FRA10AC1: variants seen among roughly 807,000 people sequenced by gnomAD.
FRA10AC1 encodes protein FRA10AC1.
FRA10AC1 carries 43 observed loss-of-function variants against 56.5 expected under a neutral mutation model. The observed-to-expected ratio is 0.76, with a 90% CI of 0.60 to 0.98. The LOEUF is 0.98. Among genes scored for constraint, FRA10AC1 ranks in the 50% least tolerant of loss-of-function variants. FRA10AC1 has a pLI of 0.00. For missense variants in FRA10AC1, 346 were observed against 351.8 expected (o/e 0.98, Z 0.13); for synonymous variants, 112 against 110.5 (o/e 1.01, Z -0.09).
chr10:93,677,691 A>G (rs2058866765), intron 11 of FRA10AC1, among the ~76,000 whole-genome samples: 1 of 152,186 alleles, frequency 6.6e-6, no homozygotes. Flanking sequence ...ATGTTGAACC[A>G]ATGCAGAACA....
intron 12 of FRA10AC1, chr10:93,675,677 C>A (rs990966502): frequency 2.7e-6 from 1 of 373,262 alleles, no homozygotes; most frequent in Non-Finnish European, 5.7e-6. Flanking sequence ...TGCACTCCAA[C>A]CTGGGTGAAA....
At position 93,681,416 on chromosome 10, in the gene FRA10AC1, AT is replaced by A. The variant is rs2058931600; in HGVS notation, c.787+63del. The A allele has an allele frequency of 2.8e-6, 3 of 1,056,590 alleles. No individual in the cohort carries two copies. The Admixed American group carries it at 8.1e-5, about 28-fold the overall frequency. The allele number at this position is 1,056,590 out of a possible 1,614,324, so 65.5% of individuals were successfully genotyped here. A position where few individuals can be genotyped will look rare whatever the true frequency, so the allele number is the denominator to read the frequency against. On this transcript the variant is annotated intron_variant, in intron 11 of 13. Coordinates refer to ENST00000359204, the MANE Select transcript of FRA10AC1 (RefSeq NM_145246.5). ...TGCATTCACCAATTAGATGAATGAA[AT>A]ATGGCAGATTATATTTCATGCTCAC... is the stretch of plus-strand genomic sequence containing the variant.
upstream of FRA10AC1, among the ~76,000 whole-genome samples, chr10:93,702,856 G>C (rs938882292): frequency 6.6e-6 from 1 of 151,766 alleles, no homozygotes; most frequent in Non-Finnish European, 1.5e-5. Context: ...AATATATTTT[G>C]TTTTACCGTG....
At position 93,696,387 on chromosome 10, in the gene FRA10AC1, T is replaced by C. The variant is rs562076366; in HGVS notation, c.220-1450A>G. On this transcript the variant is annotated intron_variant, in intron 4 of 13. Coordinates refer to ENST00000359204, the MANE Select transcript of FRA10AC1 (RefSeq NM_145246.5). ...TTTGAGACAATAACTACTCTACTCTTGTCAAACAACCCAGAGAAAACTGTG... is the reference window on the plus strand; with the variant it reads ...TTTGAGACAATAACTACTCTACTCTCGTCAAACAACCCAGAGAAAACTGTG... 7.9e-5 allele frequency among the ~76,000 whole-genome samples: 12 copies of C among 152,298 alleles called. 1 individual carries two copies. In the South Asian group the frequency reaches 2.3e-3, roughly 29 times the overall value.
At chr10:93,687,476 C>G in intron 7 of FRA10AC1, 27 bp from the exon 8 acceptor site, 1 of 1,464,078 alleles carries the variant, frequency 6.8e-7, no homozygotes, top group Non-Finnish European at 9.2e-7. Context: ...TACATTTATG[C>G]CAATGTAAAT....
intron 5 of FRA10AC1, among the ~76,000 whole-genome samples, chr10:93,694,045 C>T (rs2059186541): frequency 6.6e-6 from 1 of 151,296 alleles, no homozygotes; most frequent in Non-Finnish European, 1.5e-5. Flanking sequence ...ATCCAGGCAA[C>T]CAAAAACCAC....
chr10:93,699,146 C>T (rs960050076), intron 2 of FRA10AC1, among the ~76,000 whole-genome samples: 2 of 152,104 alleles, frequency 1.3e-5, no homozygotes, highest in African/African-American at 4.8e-5. Context: ...AGCAGAGTAT[C>T]CAACTAGATT....
intron 5 of FRA10AC1, among the ~76,000 whole-genome samples, chr10:93,693,288 A>T (rs1371496127): frequency 6.6e-6 from 1 of 150,404 alleles, no homozygotes; most frequent in African/African-American, 2.4e-5. Context: ...TTGGGGGTAA[A>T]TGAGGTGGTA....
intron 13 of FRA10AC1, 33 bp from the exon 14 acceptor site, chr10:93,669,901 T>G (rs750107108): frequency 8.0e-7 from 1 of 1,257,424 alleles, no homozygotes; most frequent in Non-Finnish European, 1.1e-6. Context: ...TTAAGATCAA[T>G]AGAGTAAAAA....
chr10:93,670,870 T>C, intron 12 of FRA10AC1, 22 bp from the exon 13 acceptor site: 1 of 1,544,050 alleles, frequency 6.5e-7, no homozygotes, highest in East Asian at 2.3e-5. Flanking sequence ...AAAAAGATGA[T>C]TTTTAAAAAC....
intron 12 of FRA10AC1, chr10:93,671,946 T>C (rs762747666): frequency 5.0e-5 from 20 of 403,314 alleles, no homozygotes; most frequent in South Asian, 3.6e-4. Context: ...TTATTAAAGA[T>C]GACAAAATAG....
chr10:93,685,064 T>C (rs2059000840), intron 9 of FRA10AC1, among the ~76,000 whole-genome samples, 182 bp downstream of exon 9: 1 of 152,160 alleles, frequency 6.6e-6, no homozygotes, highest in Non-Finnish European at 1.5e-5. Context: ...AACACCACTG[T>C]AATGCTAAAA....
chr10:93,697,883 C>T lies in FRA10AC1; in HGVS notation c.219+253G>A, dbSNP rs879083246. 3.3e-5 allele frequency among the ~76,000 whole-genome samples: 5 copies of T among 152,092 alleles called. No homozygotes were observed. In the South Asian group the frequency reaches 1.0e-3, roughly 32 times the overall value. Reference sequence around the variant, plus strand: ...AAAAACAATTTGGAAAATATATTTGCAGATTCATGTACTTTATAAACCTAT... The same window carrying T: ...AAAAACAATTTGGAAAATATATTTGTAGATTCATGTACTTTATAAACCTAT... On this transcript the variant is annotated intron_variant, in intron 4 of 13. Transcript: ENST00000359204.
chr10:93,692,207 ATTAC>A (rs144678423), intron 6 of FRA10AC1, 114 bp from the exon 7 acceptor site: 13,751 of 730,718 alleles, frequency 0.019, 169 homozygotes, highest in East Asian at 0.045. Context: ...TAAGAGAACT[ATTAC>A]TTACATGTGC....
intron 11 of FRA10AC1, among the ~76,000 whole-genome samples, chr10:93,680,119 C>T (rs2058908843): frequency 1.3e-5 from 2 of 152,102 alleles, no homozygotes; most frequent in East Asian, 1.9e-4. Flanking sequence ...TACTGAGTAA[C>T]ATTTTATAAA....
At chr10:93,678,000 C>T (rs888413857) in intron 11 of FRA10AC1, among the ~76,000 whole-genome samples, 3 of 152,110 alleles carry the variant, frequency 2.0e-5, no homozygotes, top group East Asian at 1.9e-4. Flanking sequence ...TTAGAGATAA[C>T]GAAGTAAACA....
In FRA10AC1 at chr10:93,698,402, A is replaced by C; in HGVS notation, c.78-6T>G. 6.6e-7 allele frequency: 1 copy of C among 1,513,044 alleles called. No homozygotes were observed. Among genetic ancestry groups the C allele is most frequent in the East Asian group, 2.3e-5 (1 of 44,272 alleles). The allele number at this position is 1,513,044 out of a possible 1,614,324, so 93.7% of individuals were successfully genotyped here. A position where few individuals can be genotyped will look rare whatever the true frequency, so the allele number is the denominator to read the frequency against. On this transcript the variant is annotated splice_polypyrimidine_tract_variant and splice_region_variant and intron_variant, in intron 2 of 13. Transcript: ENST00000359204. ...GTAAGTCATCTTCAACTGTCCTGAT[A>C]TATTAAGAAGAAAATAAGAGTTCAC...
chr10:93,683,256 G>A (rs1401775105), intron 10 of FRA10AC1, among the ~76,000 whole-genome samples: 1 of 152,192 alleles, frequency 6.6e-6, no homozygotes. Context: ...ATTAAAAACT[G>A]AGGTCTGATT....
chr10:93,684,153 C>T (rs1335607441), intron 9 of FRA10AC1, 55 bp from the exon 10 acceptor site: 1 of 1,277,934 alleles, frequency 7.8e-7, no homozygotes, highest in African/African-American at 1.5e-5. Flanking sequence ...CACTGCTAAT[C>T]TACTTTTAAT....
Sources: allele counts gnomAD v4.1 joint callset (sites outside exome capture counted in the v4.1 genomes callset), GRCh38; gene constraint gnomAD v4.1.1; transcripts MANE v1.5; gene names NCBI Gene and HGNC (gene_info 2026-07-23, HGNC 2026-07-21).